The following CADPS2 variants were observed in gnomAD, a reference collection of about 807,000 sequenced individuals.
CADPS2 encodes the protein calcium dependent secretion activator 2, also known as calcium-dependent secretion activator 2.
In CADPS2, 93 loss-of-function variants were observed where a neutral mutation model predicts 172.5. The ratio of observed to expected loss-of-function variants is 0.54; its 90% CI spans 0.46 to 0.64. The LOEUF (loss-of-function observed/expected upper bound fraction) is 0.64. CADPS2 is among the 30% of genes least tolerant of loss of function. The probability of loss-of-function intolerance (pLI) is 0.00; values close to 1 mark genes in which losing one functional copy is unlikely to be tolerated. For synonymous variants in CADPS2, 546 were observed against 555.2 expected (o/e 0.98, Z 0.23); for missense variants, 1,420 against 1,565.9 (o/e 0.91, Z 1.57).
intron 7 of CADPS2, among the ~76,000 whole-genome samples, chr7:122,576,355 T>A (rs2068037630): frequency 6.6e-6 from 1 of 152,158 alleles, no homozygotes; most frequent in African/African-American, 2.4e-5. Flanking sequence ...CAGCATATGT[T>A]TCCCCCTTAG....
chr7:122,471,276 T>A, intron 14 of CADPS2, 99 bp downstream of exon 14: 1 of 767,782 alleles, frequency 1.3e-6, no homozygotes, highest in Non-Finnish European at 1.9e-6. Context: ...GTGTTTGCTA[T>A]TTACAATCTG....
intron 4 of CADPS2, among the ~76,000 whole-genome samples, chr7:122,625,386 T>G (rs1397641957): frequency 6.6e-6 from 1 of 152,192 alleles, no homozygotes; most frequent in East Asian, 1.9e-4. Flanking sequence ...TAGGCTATGG[T>G]GCCCAGTTGT....
Position 122,647,748 on chromosome 7 carries a change from A to G in CADPS2, c.786+15489T>C, listed in dbSNP as rs184656337. Among the ~76,000 whole-genome samples, 518 of 152,330 alleles carry G rather than the reference A, an allele frequency of 3.4e-3. 1 individual carries two copies. The highest frequency in any genetic ancestry group is 0.012 in the African/African-American group (495 of 41,582). ...GCCACAGCCTTTTCAAAATGCTTTAAAAAAAGCTTTATATGAAAAATGAGA... is the reference window on the plus strand; with the variant it reads ...GCCACAGCCTTTTCAAAATGCTTTAGAAAAAGCTTTATATGAAAAATGAGA... On this transcript the variant is annotated intron_variant, in intron 3 of 29. Coordinates refer to ENST00000449022, the MANE Select transcript of CADPS2 (RefSeq NM_017954.11).
chr7:122,813,242 A>G (rs983914970), intron 1 of CADPS2, among the ~76,000 whole-genome samples: 3 of 152,132 alleles, frequency 2.0e-5, no homozygotes, highest in East Asian at 3.8e-4. Flanking sequence ...TACATTTTAC[A>G]TATTTTTCTT....
intron 2 of CADPS2, among the ~76,000 whole-genome samples, chr7:122,678,092 A>G (rs1252367981): frequency 6.6e-6 from 1 of 152,196 alleles, no homozygotes; most frequent in Admixed American, 6.5e-5. Flanking sequence ...AAAGGAAATC[A>G]TTAGGTCCTT....
intron 1 of CADPS2, among the ~76,000 whole-genome samples, chr7:122,768,153 T>G (rs891224141): frequency 2.0e-5 from 3 of 152,182 alleles, no homozygotes; most frequent in African/African-American, 7.2e-5. Flanking sequence ...AGTTACTTAA[T>G]CAAGGACTTG....
At chr7:122,676,427 G>A (rs1251693130) in intron 2 of CADPS2, among the ~76,000 whole-genome samples, 1 of 152,114 alleles carries the variant, frequency 6.6e-6, no homozygotes, top group Non-Finnish European at 1.5e-5. Flanking sequence ...CTTTAAAGTT[G>A]GTTTGCTTAC....
chr7:122,864,694 A>G (rs1200100606), intron 1 of CADPS2, among the ~76,000 whole-genome samples: 2 of 152,224 alleles, frequency 1.3e-5, no homozygotes. Flanking sequence ...AGGGATAAGT[A>G]TATTAATTAA....
intron 1 of CADPS2, among the ~76,000 whole-genome samples, chr7:122,832,037 T>C (rs1171716029): frequency 2.6e-5 from 4 of 152,206 alleles, no homozygotes; most frequent in Non-Finnish European, 5.9e-5. Context: ...CATGTATATA[T>C]TTCACTCTAA....
chr7:122,683,282 C>A (rs572658948), intron 2 of CADPS2, among the ~76,000 whole-genome samples: 2 of 152,206 alleles, frequency 1.3e-5, no homozygotes, highest in South Asian at 4.1e-4. Flanking sequence ...CACTTGTATC[C>A]CTGATGCTCA....
intron 8 of CADPS2, among the ~76,000 whole-genome samples, chr7:122,523,298 AAAC>A (rs536967119): frequency 8.3e-4 from 127 of 152,284 alleles, no homozygotes; most frequent in African/African-American, 2.6e-3. Flanking sequence ...CCTAGAAATA[AAAC>A]AACTAGAAAA....
At chr7:122,369,982 T>C (rs1302753117) in intron 25 of CADPS2, 2 of 152,318 alleles carry the variant, frequency 1.3e-5, no homozygotes, top group African/African-American at 2.4e-5. Context: ...TTAAGCTCCT[T>C]AGCACTTCCT....
intron 12 of CADPS2, among the ~76,000 whole-genome samples, chr7:122,480,586 A>G (rs1372212636): frequency 6.6e-6 from 1 of 152,168 alleles, no homozygotes; most frequent in African/African-American, 2.4e-5. Flanking sequence ...CTTAACATAT[A>G]TTGACCATTT....
At chr7:122,529,894 G>A (rs899569831) in intron 8 of CADPS2, among the ~76,000 whole-genome samples, 2 of 152,070 alleles carry the variant, frequency 1.3e-5, no homozygotes, top group Non-Finnish European at 2.9e-5. Flanking sequence ...AATGTTAATA[G>A]ATTAGAATCC....
At chr7:122,763,304 T>A (rs369798683) in intron 1 of CADPS2, among the ~76,000 whole-genome samples, 31 of 152,066 alleles carry the variant, frequency 2.0e-4, no homozygotes, top group African/African-American at 6.8e-4. Flanking sequence ...ACTAAGGGAT[T>A]CCTCCCCAGA....
At chr7:122,339,692 G>A (rs530149457) in intron 28 of CADPS2, among the ~76,000 whole-genome samples, 22 of 152,222 alleles carry the variant, frequency 1.4e-4, no homozygotes, top group African/African-American at 2.9e-4. Context: ...TTTCAGACTC[G>A]TCTGGCCAAC....
chr7:122,522,788 C>A (rs943450490), intron 8 of CADPS2, among the ~76,000 whole-genome samples: 11 of 143,628 alleles, frequency 7.7e-5, no homozygotes, highest in Non-Finnish European at 1.7e-4. Context: ...CTCCACAGAT[C>A]AACTTTTTTA....
At chr7:122,543,083 C>T (rs17465937) in intron 8 of CADPS2, among the ~76,000 whole-genome samples, 30,462 of 151,648 alleles carry the variant, frequency 0.2, 4,041 homozygotes, top group Non-Finnish European at 0.3. Context: ...TTTTAATAAT[C>T]TGTGAATTCT....
intron 1 of CADPS2, among the ~76,000 whole-genome samples, chr7:122,811,624 C>G (rs1165273039): frequency 6.6e-6 from 1 of 151,936 alleles, no homozygotes; most frequent in Non-Finnish European, 1.5e-5. Flanking sequence ...ACCCATGTAT[C>G]TATAATATAG....
Sources: allele counts gnomAD v4.1 joint callset (sites outside exome capture counted in the v4.1 genomes callset), GRCh38; gene constraint gnomAD v4.1.1; transcripts MANE v1.5; gene names NCBI Gene and HGNC (gene_info 2026-07-23, HGNC 2026-07-21).